Variants in PAFAH1B1 observed in about 807,000 individuals in gnomAD.
PAFAH1B1 encodes the protein platelet-activating factor acetylhydrolase IB subunit beta.
PAFAH1B1 carries 2 observed loss-of-function variants against 57.5 expected under a neutral mutation model. That is an observed-to-expected ratio of 0.03 (90% CI 0.01 to 0.11). The LOEUF (loss-of-function observed/expected upper bound fraction) is 0.11. Ranked by LOEUF, PAFAH1B1 falls within the 10% of genes least tolerant of loss-of-function variation. PAFAH1B1 has a pLI of 1.00. For missense variants in PAFAH1B1, 257 were observed against 512.0 expected (o/e 0.50, Z 4.81); for synonymous variants, 152 against 169.6 (o/e 0.90, Z 0.81).
intron 2 of PAFAH1B1, among the ~76,000 whole-genome samples, chr17:2,657,940 C>A (rs562670466): frequency 6.6e-6 from 1 of 152,256 alleles, no homozygotes; most frequent in South Asian, 2.1e-4. Context: ...ATAAATGTTT[C>A]AAACTATTCA....
rs1358823329 is a variant in PAFAH1B1, at chr17:2,675,834, C to G, written c.901-671C>G. ...CCAGCCTGGGTGACAGAATGAGACC[C>G]TGTCTTGAAATAAATAAATATTCCC... On this transcript the variant is annotated intron_variant, in intron 8 of 10. Coordinates refer to ENST00000397195, the MANE Select transcript of PAFAH1B1 (RefSeq NM_000430.4). Among the ~76,000 whole-genome samples the G allele has an allele frequency of 9.2e-5, 14 of 152,042 alleles. No homozygotes were observed. In the East Asian group the frequency reaches 2.1e-3, roughly 23 times the overall value.
intron 9 of PAFAH1B1, among the ~76,000 whole-genome samples, chr17:2,677,710 C>T (rs1180811475): frequency 2.6e-5 from 4 of 151,498 alleles, no homozygotes; most frequent in Middle Eastern, 3.2e-3. Flanking sequence ...AAAAATTAGC[C>T]GGGCATCCTG....
At chr17:2,630,247 C>A (rs2068538793) in intron 1 of PAFAH1B1, among the ~76,000 whole-genome samples, 1 of 152,086 alleles carries the variant, frequency 6.6e-6, no homozygotes, top group Non-Finnish European at 1.5e-5. Context: ...TGATGTGTTT[C>A]AAGGATTTGT....
At chr17:2,628,138 G>A (rs1266644764) in intron 1 of PAFAH1B1, among the ~76,000 whole-genome samples, 1 of 152,110 alleles carries the variant, frequency 6.6e-6, no homozygotes, top group East Asian at 1.9e-4. Context: ...GTGAGAGTGG[G>A]CATCCTTGTC....
At chr17:2,649,365 G>A (rs1018041965) in intron 2 of PAFAH1B1, among the ~76,000 whole-genome samples, 1 of 151,918 alleles carries the variant, frequency 6.6e-6, no homozygotes, top group African/African-American at 2.4e-5. Context: ...CTAAGATAAG[G>A]AGTTCAAGAC....
intron 6 of PAFAH1B1, 99 bp from the exon 7 acceptor site, chr17:2,672,556 G>GA (rs1361810386): frequency 2.4e-6 from 2 of 820,914 alleles, no homozygotes; most frequent in Non-Finnish European, 4.2e-6. Flanking sequence ...AACTTGCTTT[G>GA]ACATAGTGAA....
chr17:2,679,610 ATGGATGGATGATTGGATGAT>A (rs2069343303), intron 9 of PAFAH1B1: 1 of 97,416 alleles, frequency 1.0e-5, no homozygotes, highest in Non-Finnish European at 2.1e-5. Flanking sequence ...GGGTGGGTGG[ATGGATGGATGATTGGATGAT>A]TGGATGGATG....
intron 1 of PAFAH1B1, among the ~76,000 whole-genome samples, chr17:2,622,987 C>G (rs574796924): frequency 5.9e-5 from 9 of 152,354 alleles, no homozygotes; most frequent in African/African-American, 1.9e-4. Flanking sequence ...AGCTGTACGT[C>G]AGCCCCTTTC....
chr17:2,663,232 C>T (rs1194078881), intron 2 of PAFAH1B1, among the ~76,000 whole-genome samples: 4 of 151,986 alleles, frequency 2.6e-5, no homozygotes, highest in Non-Finnish European at 5.9e-5. Flanking sequence ...GAGTGGAGAT[C>T]GCACCACTGC....
chr17:2,678,458 C>G (rs1325351210), intron 9 of PAFAH1B1, among the ~76,000 whole-genome samples: 2 of 148,278 alleles, frequency 1.3e-5, no homozygotes, highest in African/African-American at 5.0e-5. Context: ...CCCAGCTACT[C>G]GGGAGGCTGA....
chr17:2,621,605 G>GTTTTTTTTTTTTTTTTTTTTT lies in PAFAH1B1; in HGVS notation c.-190-16493_-190-16492insTTTTTTTTTTTTTTTTTTTTT, dbSNP rs2068421993. On this transcript the variant is annotated intron_variant, in intron 1 of 10. Coordinates refer to ENST00000397195, the MANE Select transcript of PAFAH1B1 (RefSeq NM_000430.4). ...GCTATTCAAGCATGGTAGATAATCT[G>GTTTTTTTTTTTTTTTTTTTTT]TCTTTTTTTTTTTTTTTTTTTTTTT... Among the ~76,000 whole-genome samples the GTTTTTTTTTTTTTTTTTTTTT allele has an allele frequency of 1.2e-4, 11 of 93,208 alleles. 4 individuals are homozygous for GTTTTTTTTTTTTTTTTTTTTT. The highest frequency in any genetic ancestry group is 1.4e-4 in the African/African-American group (3 of 21,296). 61.1% of individuals were successfully genotyped at this position (93,208 alleles called of 152,430 possible). A position where few individuals can be genotyped will look rare whatever the true frequency, so the allele number is the denominator to read the frequency against.
At chr17:2,599,971 CT>C (rs34442256) in intron 1 of PAFAH1B1, among the ~76,000 whole-genome samples, 15,985 of 82,826 alleles carry the variant, frequency 0.19, 280 homozygotes, top group Middle Eastern at 0.25. Context: ...CATTTTTAAC[CT>C]TTTTTTTTTT....
intron 1 of PAFAH1B1, among the ~76,000 whole-genome samples, chr17:2,621,904 A>G (rs892876569): frequency 6.6e-6 from 1 of 152,184 alleles, no homozygotes; most frequent in Non-Finnish European, 1.5e-5. Flanking sequence ...ACAGTTCCAC[A>G]TGGCTGGGGA....
intron 4 of PAFAH1B1, 23 bp from the exon 5 acceptor site, chr17:2,666,969 G>A (rs376053006): frequency 1.6e-5 from 25 of 1,554,036 alleles, no homozygotes; most frequent in South Asian, 6.7e-5. Context: ...CTATCTGTAC[G>A]TAACTACATG....
At chr17:2,647,747 G>A (rs2068788087) in intron 2 of PAFAH1B1, among the ~76,000 whole-genome samples, 1 of 152,128 alleles carries the variant, frequency 6.6e-6, no homozygotes, top group African/African-American at 2.4e-5. Context: ...GCTCACGCCT[G>A]TAATCCCAGC....
chr17:2,612,775 T>C lies in PAFAH1B1; in HGVS notation c.-191+18769T>C, dbSNP rs563613227. Among the ~76,000 whole-genome samples the C allele has an allele frequency of 3.9e-4, 60 of 152,086 alleles. 1 individual carries two copies. The highest frequency in any genetic ancestry group is 1.4e-3 in the African/African-American group (57 of 41,484). On this transcript the variant is annotated intron_variant, in intron 1 of 10. Coordinates refer to ENST00000397195, the MANE Select transcript of PAFAH1B1 (RefSeq NM_000430.4). Reference sequence around the variant, plus strand: ...CAAGATGCGCACCACTACGCCTGGCTGTTTTTGATTTTTTGTAGAGGTGGG... The same window carrying C: ...CAAGATGCGCACCACTACGCCTGGCCGTTTTTGATTTTTTGTAGAGGTGGG...
chr17:2,596,245 ATTG>A (rs1195725980), intron 1 of PAFAH1B1, among the ~76,000 whole-genome samples: 1 of 152,118 alleles, frequency 6.6e-6, no homozygotes, highest in East Asian at 1.9e-4. Flanking sequence ...AATGTTTTTT[ATTG>A]TTCTCGCCAT....
chr17:2,644,782 G>C (rs558047451), intron 2 of PAFAH1B1, among the ~76,000 whole-genome samples: 2 of 152,218 alleles, frequency 1.3e-5, no homozygotes, highest in Admixed American at 1.3e-4. Context: ...TCTTCCAGAT[G>C]CTTTGTATGA....
Position 2,676,138 on chromosome 17 carries a change from C to G in PAFAH1B1, c.901-367C>G, listed in dbSNP as rs560881645. ...CCTGTAATTCCAGCACTTTGGGAGG[C>G]CGAGGTGGGCCGATCGATCATCTGA... On this transcript the variant is annotated intron_variant, in intron 8 of 10. Coordinates refer to ENST00000397195, the MANE Select transcript of PAFAH1B1 (RefSeq NM_000430.4). 1.6e-4 allele frequency among the ~76,000 whole-genome samples: 25 copies of G among 152,276 alleles called. No homozygotes were observed. In the South Asian group the frequency reaches 5.2e-3, roughly 32 times the overall value.
Sources: allele counts gnomAD v4.1 joint callset (sites outside exome capture counted in the v4.1 genomes callset), GRCh38; gene constraint gnomAD v4.1.1; transcripts MANE v1.5; gene names NCBI Gene and HGNC (gene_info 2026-07-23, HGNC 2026-07-21).